Variants in NEK11 observed in about 807,000 individuals in gnomAD.
The protein encoded by NEK11 is NIMA related kinase 11.
A neutral mutation model predicts 80.7 loss-of-function variants in NEK11; 72 were observed. That is an observed-to-expected ratio of 0.89 (90% CI 0.74 to 1.08). The LOEUF (loss-of-function observed/expected upper bound fraction) is 1.08, where lower values mean the gene tolerates loss of function less well. Ranked by LOEUF, NEK11 falls within the 50% of genes least tolerant of loss-of-function variation. The pLI is 0.00. For synonymous variants in NEK11, 251 were observed against 260.7 expected (o/e 0.96, Z 0.36); for missense variants, 764 against 763.6 (o/e 1.00, Z -0.01).
chr3:131,152,820 G>C lies in NEK11; in HGVS notation c.876+111G>C, dbSNP rs981178039. On this transcript the variant is annotated intron_variant, in intron 9 of 17. Transcript: ENST00000383366. ...GATTCAGTAAGAATCAACCAGAAAG[G>C]AGGAAAAAGGCCAAAAAGAAGCTGA... 4 of 805,798 alleles carry C rather than the reference G, an allele frequency of 5.0e-6. No homozygotes were observed. The African/African-American group carries it at 7.0e-5, about 14-fold the overall frequency. The allele number at this position is 805,798 out of a possible 1,614,324, so 49.9% of individuals were successfully genotyped here. A position where few individuals can be genotyped will look rare whatever the true frequency, so the allele number is the denominator to read the frequency against.
At position 131,108,023 on chromosome 3, in the gene NEK11, A is replaced by G. The variant is rs115353362; in HGVS notation, c.337-1780A>G. Among the ~76,000 whole-genome samples the G allele has an allele frequency of 7.9e-3, 1,207 of 152,264 alleles. 22 individuals carry two copies. Among genetic ancestry groups the G allele is most frequent in the African/African-American group, 0.027 (1,141 of 41,568 alleles). ...ATGATAGTCTTTTAGACAAGGAGTT[A>G]AGTATTCAATTCGCCATATTTTTGA... On this transcript the variant is annotated intron_variant, in intron 4 of 17. Coordinates refer to ENST00000383366, the MANE Select transcript of NEK11 (RefSeq NM_024800.5).
chr3:131,030,581 A>G (rs898137762), intron 3 of NEK11, among the ~76,000 whole-genome samples: 1 of 152,248 alleles, frequency 6.6e-6, no homozygotes, highest in Non-Finnish European at 1.5e-5. Context: ...AATAGGGTAT[A>G]CCAAAGAAAG....
chr3:131,031,100 A>G (rs1220746568), intron 3 of NEK11, among the ~76,000 whole-genome samples: 1 of 152,228 alleles, frequency 6.6e-6, no homozygotes, highest in Non-Finnish European at 1.5e-5. Context: ...ACTTTTCTAC[A>G]TCTTCATAGG....
intron 16 of NEK11, among the ~76,000 whole-genome samples, chr3:131,271,977 G>A (rs760942859): frequency 6.6e-6 from 1 of 151,938 alleles, no homozygotes; most frequent in Admixed American, 6.6e-5. Context: ...GCGCACGCCT[G>A]TAATCCCAGC....
intron 17 of NEK11, among the ~76,000 whole-genome samples, chr3:131,326,572 GTCC>G (rs539146748): frequency 1.8e-4 from 27 of 152,124 alleles, no homozygotes; most frequent in African/African-American, 6.5e-4. Flanking sequence ...GACATTCTCG[GTCC>G]CACCCCTCAA....
At chr3:131,307,442 T>C (rs1449912957) in intron 17 of NEK11, among the ~76,000 whole-genome samples, 1 of 152,256 alleles carries the variant, frequency 6.6e-6, no homozygotes, top group Non-Finnish European at 1.5e-5. Flanking sequence ...AGTTGATGCA[T>C]ATGTGTAGCA....
chr3:131,226,301 C>T lies in NEK11; in HGVS notation c.1400-2227C>T, dbSNP rs117297381. 2.1e-3 allele frequency among the ~76,000 whole-genome samples: 318 copies of T among 152,226 alleles called. 2 individuals are homozygous for T. The highest frequency in any genetic ancestry group is 0.013 in the East Asian group (68 of 5,166). On this transcript the variant is annotated intron_variant, in intron 14 of 17. Coordinates refer to ENST00000383366, the MANE Select transcript of NEK11 (RefSeq NM_024800.5). ...ACTTCTCATGCTGTGATTCTCTTGT[C>T]GTTCTCAGTGTAAGTAAAATGAAGA...
At chr3:131,126,558 G>A (rs1235743622) in intron 5 of NEK11, among the ~76,000 whole-genome samples, 2 of 152,126 alleles carry the variant, frequency 1.3e-5, no homozygotes, top group African/African-American at 4.8e-5. Context: ...TGTTATTGAT[G>A]TTAAGTCACT....
intron 17 of NEK11, among the ~76,000 whole-genome samples, chr3:131,275,885 C>G (rs2096282800): frequency 6.6e-6 from 1 of 152,224 alleles, no homozygotes; most frequent in South Asian, 2.1e-4. Context: ...AAATGCAAAA[C>G]GTTAAATGAC....
At chr3:131,057,067 G>A (rs569652559) in intron 3 of NEK11, among the ~76,000 whole-genome samples, 148 of 122,244 alleles carry the variant, frequency 1.2e-3, no homozygotes, top group Middle Eastern at 6.4e-3. Context: ...TCCCCAGAGT[G>A]TGATGTTCCC....
intron 3 of NEK11, among the ~76,000 whole-genome samples, chr3:131,049,141 G>C (rs2109958459): frequency 6.6e-6 from 1 of 152,202 alleles, no homozygotes; most frequent in Admixed American, 6.5e-5. Context: ...TTAGTATTTT[G>C]GTTCTAAAAC....
At chr3:131,181,694 T>G (rs369404908) in intron 14 of NEK11, among the ~76,000 whole-genome samples, 1 of 131,132 alleles carries the variant, frequency 7.6e-6, no homozygotes, top group Non-Finnish European at 1.5e-5. Context: ...TGCAGTGAGC[T>G]GAGATCGCAC....
At chr3:131,242,198 A>G (rs576288206) in intron 15 of NEK11, among the ~76,000 whole-genome samples, 12 of 152,280 alleles carry the variant, frequency 7.9e-5, no homozygotes, top group African/African-American at 2.6e-4. Flanking sequence ...TCTGTGGGAC[A>G]GTTTTTCAGA....
At chr3:131,232,069 C>T (rs974240271) in intron 15 of NEK11, among the ~76,000 whole-genome samples, 4 of 152,138 alleles carry the variant, frequency 2.6e-5, no homozygotes, top group African/African-American at 9.7e-5. Flanking sequence ...CACCTAATTG[C>T]TGATGATTGC....
At chr3:131,134,740 A>C (rs1302605805) in intron 7 of NEK11, among the ~76,000 whole-genome samples, 1 of 152,170 alleles carries the variant, frequency 6.6e-6, no homozygotes, top group East Asian at 1.9e-4. Flanking sequence ...TTTCAGTGAC[A>C]GATGCATCTG....
chr3:131,157,473 AC>A lies in NEK11; in HGVS notation c.962+2353del, dbSNP rs570229754. On this transcript the variant is annotated intron_variant, in intron 10 of 17. Coordinates refer to ENST00000383366, the MANE Select transcript of NEK11 (RefSeq NM_024800.5). ...TTATTAATCTGTGCGATTAACCACT[AC>A]ACCATGCTGCAACAAAAATATCTAC... Among the ~76,000 whole-genome samples, 357 of 152,308 alleles carry A rather than the reference AC, an allele frequency of 2.3e-3. 1 individual carries two copies. Among genetic ancestry groups the A allele is most frequent in the African/African-American group, 8.1e-3 (336 of 41,556 alleles).
intron 17 of NEK11, among the ~76,000 whole-genome samples, chr3:131,321,762 A>C (rs1053841269): frequency 3.9e-5 from 6 of 152,196 alleles, no homozygotes; most frequent in African/African-American, 1.4e-4. Context: ...TAAATATCAG[A>C]GAAATGGAAA....
intron 17 of NEK11, among the ~76,000 whole-genome samples, chr3:131,281,653 T>C (rs935730239): frequency 6.6e-6 from 1 of 152,220 alleles, no homozygotes; most frequent in African/African-American, 2.4e-5. Context: ...AGTTAGAGAA[T>C]AAATGCATAC....
At chr3:131,176,651 A>G (rs1385033904) in intron 14 of NEK11, among the ~76,000 whole-genome samples, 2 of 152,168 alleles carry the variant, frequency 1.3e-5, no homozygotes, top group African/African-American at 4.8e-5. Flanking sequence ...ATTATATCCA[A>G]TTTGAAAAAT....
Sources: gnomAD v4.1 joint callset for allele counts (sites outside exome capture counted in the v4.1 genomes callset) on GRCh38, gnomAD v4.1.1 for gene constraint, MANE v1.5 for transcripts, NCBI Gene and HGNC (gene_info 2026-07-23, HGNC 2026-07-21) for gene names.